Variants in TLN2 observed in about 807,000 individuals in gnomAD.
TLN2 encodes the protein talin-2.
Under a neutral mutation model 294.7 loss-of-function variants are expected in TLN2, and 118 were observed. That is an observed-to-expected ratio of 0.40 (90% CI 0.34 to 0.47). TLN2 has a LOEUF of 0.47. Among genes scored for constraint, TLN2 ranks in the 20% least tolerant of loss-of-function variants. The pLI is 0.84. For missense variants in TLN2, 3,083 were observed against 3,282.2 expected, an observed-to-expected ratio of 0.94 and a Z score of 1.48; for synonymous variants, 1,431 against 1,304.5, an observed-to-expected ratio of 1.10 and a Z score of -2.09.
intron 54 of TLN2, chr15:62,827,923 AGAATCCAT>A (rs2141232553): frequency 6.6e-6 from 1 of 152,380 alleles, no homozygotes; most frequent in East Asian, 1.9e-4. Context: ...CCATGTTCTC[AGAATCCAT>A]GAAAGGCCAA....
chr15:62,748,517 G>A, intron 33 of TLN2, 73 bp downstream of exon 33: 1 of 1,196,912 alleles, frequency 8.4e-7, no homozygotes, highest in Non-Finnish European at 1.2e-6. Context: ...GTGTCTGTCT[G>A]TCTATGTCTG....
intron 37 of TLN2, among the ~76,000 whole-genome samples, chr15:62,757,106 C>T (rs1314565523): frequency 3.3e-5 from 5 of 152,216 alleles, no homozygotes; most frequent in African/African-American, 1.2e-4. Context: ...CTCATTCACT[C>T]CATACAACCA....
At chr15:62,758,483 C>G (rs749841155) in intron 37 of TLN2, 2 of 152,244 alleles carry the variant, frequency 1.3e-5, no homozygotes, top group African/African-American at 4.8e-5. Context: ...TGTGCAGTCA[C>G]TCACATTTGG....
chr15:62,827,909 A>G (rs1002153896), intron 54 of TLN2: 5 of 152,346 alleles, frequency 3.3e-5, no homozygotes, highest in African/African-American at 1.2e-4. Flanking sequence ...AATTAGTGTG[A>G]AGACCATGTT....
At chr15:62,736,266 G>A (rs374174314) in intron 28 of TLN2, among the ~76,000 whole-genome samples, 8 of 150,962 alleles carry the variant, frequency 5.3e-5, no homozygotes, top group African/African-American at 2.0e-4. Context: ...CTTGCAGTGA[G>A]CCAAGATCGC....
intron 3 of TLN2, among the ~76,000 whole-genome samples, chr15:62,622,389 G>T (rs1433327651): frequency 6.6e-6 from 1 of 152,120 alleles, no homozygotes; most frequent in African/African-American, 2.4e-5. Flanking sequence ...AATTTGGAGG[G>T]ACTCCTGTTC....
intron 54 of TLN2, among the ~76,000 whole-genome samples, chr15:62,826,892 A>G (rs1435614753): frequency 6.6e-6 from 1 of 152,248 alleles, no homozygotes; most frequent in South Asian, 2.1e-4. Flanking sequence ...GGGTTTTTTT[A>G]AAGTTTCTGA....
At chr15:62,579,468 A>G (rs1488978494) in intron 1 of TLN2, among the ~76,000 whole-genome samples, 1 of 152,158 alleles carries the variant, frequency 6.6e-6, no homozygotes, top group Non-Finnish European at 1.5e-5. Flanking sequence ...AATCCTCTCA[A>G]ATGACCTCGT....
Position 62,609,614 on chromosome 15 carries a change from C to T in TLN2, c.-161-8737C>T, listed in dbSNP as rs570630295. 3.9e-5 allele frequency among the ~76,000 whole-genome samples: 6 copies of T among 152,276 alleles called. No individual in the cohort carries two copies. The South Asian group carries it at 6.2e-4, about 16-fold the overall frequency. ...ACATTCTTGAATTCAGCTGATGCGT[C>T]GTTGGCGGGAATATCACAGAAGGGA... On this transcript the variant is annotated intron_variant, in intron 2 of 58. Coordinates refer to ENST00000636159, the MANE Select transcript of TLN2 (RefSeq NM_015059.3).
At chr15:62,478,113 C>T (rs946489811) in intron 1 of TLN2, among the ~76,000 whole-genome samples, 1 of 152,160 alleles carries the variant, frequency 6.6e-6, no homozygotes, top group Non-Finnish European at 1.5e-5. Context: ...GTTCTTGTAA[C>T]TTAACCCTCC....
intron 2 of TLN2, among the ~76,000 whole-genome samples, chr15:62,597,168 G>C (rs12441930): frequency 0.28 from 41,880 of 151,906 alleles, 6,063 homozygotes; most frequent in East Asian, 0.43. Flanking sequence ...TACACTATTT[G>C]TTGTCTCCCA....
At chr15:62,827,526 T>A (rs76607030) in intron 54 of TLN2, 2,009 of 152,256 alleles carry the variant, frequency 0.013, 37 homozygotes, top group African/African-American at 0.045. Context: ...AGTCACATAG[T>A]CAAAGTACAG....
intron 1 of TLN2, among the ~76,000 whole-genome samples, chr15:62,403,417 G>GT (rs959575033): frequency 2.0e-5 from 3 of 151,974 alleles, no homozygotes; most frequent in African/African-American, 7.3e-5. Context: ...GCCAATTTTT[G>GT]TTTTTTTGTT....
intron 41 of TLN2, 94 bp from the exon 42 acceptor site, chr15:62,770,870 T>A: frequency 6.8e-7 from 1 of 1,471,744 alleles, no homozygotes; most frequent in Non-Finnish European, 9.1e-7. Context: ...GTCAGCCCAG[T>A]CCTGTTCCCC....
chr15:62,616,197 C>G (rs530111034), intron 2 of TLN2, among the ~76,000 whole-genome samples: 2 of 152,234 alleles, frequency 1.3e-5, no homozygotes, highest in East Asian at 3.9e-4. Flanking sequence ...TTTGTGAGTT[C>G]GTCTTGCACT....
intron 57 of TLN2, among the ~76,000 whole-genome samples, chr15:62,838,440 G>A (rs188319810): frequency 4.3e-4 from 66 of 152,354 alleles, no homozygotes; most frequent in African/African-American, 1.3e-3. Context: ...GGAGACAAGC[G>A]AAAGTGATGT....
In TLN2 at chr15:62,656,020, G is replaced by A. The variant is rs1207997110; in HGVS notation, c.594G>A (p.Lys198=). The change falls in exon 8 of 59, where the codon AAG becomes AAA. Residue 198 remains lysine, a synonymous_variant. Coordinates refer to ENST00000636159, the MANE Select transcript of TLN2 (RefSeq NM_015059.3). ...ACGAAACGTTGCTGCTTAGACGGAAGTTCTTTTACTCTGATCAGAATGTAG... is the reference window on the plus strand; with the variant it reads ...ACGAAACGTTGCTGCTTAGACGGAAATTCTTTTACTCTGATCAGAATGTAG... ...DENETLLLRR[K]FFYSDQNVDS... 1 of 1,614,204 alleles carries A rather than the reference G, an allele frequency of 6.2e-7. No homozygotes were observed.
At chr15:62,513,655 G>A (rs2040043033) in intron 1 of TLN2, among the ~76,000 whole-genome samples, 1 of 152,180 alleles carries the variant, frequency 6.6e-6, no homozygotes, top group African/African-American at 2.4e-5. Flanking sequence ...TAGTGATGAT[G>A]AAAAATGAGG....
At chr15:62,572,311 G>A (rs188529094) in intron 1 of TLN2, among the ~76,000 whole-genome samples, 140 of 152,148 alleles carry the variant, frequency 9.2e-4, no homozygotes, top group African/African-American at 3.1e-3. Flanking sequence ...CACAATCATG[G>A]CTCACTGTAA....
Sources: allele counts gnomAD v4.1 joint callset (sites outside exome capture counted in the v4.1 genomes callset), GRCh38; gene constraint gnomAD v4.1.1; transcripts MANE v1.5; gene names NCBI Gene and HGNC (gene_info 2026-07-23, HGNC 2026-07-21).